The following PARP11 variants were observed in gnomAD, a reference collection of about 807,000 sequenced individuals.
PARP11 encodes protein mono-ADP-ribosyltransferase PARP11.
PARP11 carries 31 observed loss-of-function variants against 42.9 expected under a neutral mutation model. The ratio of observed to expected loss-of-function variants is 0.72; its 90% confidence interval spans 0.54 to 0.98. The LOEUF (loss-of-function observed/expected upper bound fraction) is 0.98, where lower values mean the gene tolerates loss of function less well. Ranked by LOEUF, PARP11 falls within the 50% of genes least tolerant of loss-of-function variation. The pLI is 0.00. For missense variants in PARP11, 365 were observed against 413.1 expected (o/e 0.88, Z 1.01); for synonymous variants, 137 against 127.3 (o/e 1.08, Z -0.51).
chr12:3,872,663 T>C, intron 1 of PARP11: 1 of 985,208 alleles, frequency 1.0e-6, no homozygotes, highest in Non-Finnish European at 1.2e-6. Context: ...ATGGCTCCTC[T>C]TAGGCCCATT....
At chr12:3,827,445 C>T (rs1397979402) in intron 3 of PARP11, among the ~76,000 whole-genome samples, 1 of 152,150 alleles carries the variant, frequency 6.6e-6, no homozygotes, top group East Asian at 1.9e-4. Context: ...AGTTCATCCT[C>T]TACATGAGGT....
intron 1 of PARP11, chr12:3,839,386 C>G: frequency 6.4e-7 from 1 of 1,556,856 alleles, no homozygotes; most frequent in Non-Finnish European, 8.7e-7. Flanking sequence ...GGACGCCTAT[C>G]TGCGGAAACT....
intron 1 of PARP11, among the ~76,000 whole-genome samples, chr12:3,838,994 C>T (rs1463577970): frequency 7.2e-5 from 11 of 152,292 alleles, no homozygotes; most frequent in Admixed American, 2.6e-4. Flanking sequence ...GGCAGCGAGG[C>T]CGTCGGGAAG....
chr12:3,829,896 C>T lies in PARP11; in HGVS notation c.141G>A (p.Met47Ile). 6.2e-7 allele frequency: 1 copy of T among 1,613,932 alleles called. No homozygotes were observed. The highest frequency in any genetic ancestry group is 1.7e-5 in the Admixed American group (1 of 60,012). ...FYLAECGKWH[M>I]FQPDTNSQCS... is the part of the protein sequence containing the mutation. Reference sequence around the variant, plus strand: ...ATTAAAGGAAAGGAGGTACCTGAAACATGTGCCACTTCCCACATTCTGCCA... The same window carrying T: ...ATTAAAGGAAAGGAGGTACCTGAAATATGTGCCACTTCCCACATTCTGCCA... Residue 47 changes from methionine (M) to isoleucine (I), a missense_variant, in exon 2 of 8, where the codon ATG (methionine) becomes ATA (isoleucine). Coordinates refer to ENST00000228820, the MANE Select transcript of PARP11 (RefSeq NM_020367.6).
At chr12:3,858,639 T>C (rs940942516) in intron 1 of PARP11, among the ~76,000 whole-genome samples, 1 of 152,364 alleles carries the variant, frequency 6.6e-6, no homozygotes, top group East Asian at 1.9e-4. Flanking sequence ...CACAGCATCA[T>C]AGGTGGAGAC....
intron 1 of PARP11, among the ~76,000 whole-genome samples, chr12:3,847,502 C>T (rs1002063665): frequency 6.6e-6 from 1 of 152,098 alleles, no homozygotes; most frequent in Admixed American, 6.5e-5. Context: ...CCCAAGGATG[C>T]AAGGATGGTT....
At position 3,837,897 on chromosome 12, in the gene PARP11, T is replaced by C. The variant is rs375822519; in HGVS notation, c.19-7879A>G. On this transcript the variant is annotated intron_variant, in intron 1 of 7. Transcript: ENST00000228820. ...ATGATAATGGGGTCAACGAAGCAAG[T>C]GGACATAATTATAAATATCTATGCA... Among the ~76,000 whole-genome samples, 4 of 151,518 alleles carry C rather than the reference T, an allele frequency of 2.6e-5. 1 individual carries two copies. The highest frequency in any genetic ancestry group is 3.9e-4 in the East Asian group (2 of 5,160).
intron 1 of PARP11, among the ~76,000 whole-genome samples, chr12:3,858,849 G>T (rs1361732555): frequency 6.6e-6 from 1 of 151,810 alleles, no homozygotes. Flanking sequence ...CAGCACCCTG[G>T]GAGGCCCAGG....
chr12:3,828,889 C>A (rs760051771), intron 3 of PARP11, 21 bp downstream of exon 3: 7 of 1,609,514 alleles, frequency 4.3e-6, no homozygotes, highest in Non-Finnish European at 5.1e-6. Context: ...AAACACACAA[C>A]TATTAGGGAA....
In PARP11 at chr12:3,830,157, C is replaced by T. The variant is rs1591770779; in HGVS notation, c.19-139G>A. On this transcript the variant is annotated intron_variant, in intron 1 of 7. Transcript: ENST00000228820. Reference sequence around the variant, plus strand: ...TGACACTTTAAAAACAGCTTTCTATCTTTCATATTGGCTCTGAAGATAAAC... The same window carrying T: ...TGACACTTTAAAAACAGCTTTCTATTTTTCATATTGGCTCTGAAGATAAAC... The T allele has an allele frequency of 1.5e-5, 10 of 668,870 alleles. No homozygotes were observed. In the East Asian group the frequency reaches 2.5e-4, roughly 17 times the overall value. 41.4% of individuals were successfully genotyped at this position (668,870 alleles called of 1,614,324 possible).
chr12:3,812,568 C>CTAT, intron 7 of PARP11, 129 bp from the exon 8 acceptor site: 1 of 665,696 alleles, frequency 1.5e-6, no homozygotes, highest in Non-Finnish European at 2.5e-6. Flanking sequence ...ATTTCCTCAT[C>CTAT]TGCAGATCTT....
intron 1 of PARP11, among the ~76,000 whole-genome samples, chr12:3,850,723 A>G (rs920800793): frequency 1.3e-5 from 2 of 152,208 alleles, no homozygotes; most frequent in African/African-American, 4.8e-5. Context: ...CACTGTGGAT[A>G]ACAGTGATAA....
intron 1 of PARP11, among the ~76,000 whole-genome samples, chr12:3,853,669 C>T (rs1436150149): frequency 6.6e-6 from 1 of 152,148 alleles, no homozygotes; most frequent in Non-Finnish European, 1.5e-5. Context: ...GACTTAGATT[C>T]CCACACAATA....
chr12:3,862,473 T>C (rs1948312291), intron 1 of PARP11, among the ~76,000 whole-genome samples: 1 of 151,872 alleles, frequency 6.6e-6, no homozygotes, highest in Admixed American at 6.6e-5. Context: ...ATATGTATTT[T>C]TTTTTCTATT....
chr12:3,858,787 G>A (rs1030851324), intron 1 of PARP11, among the ~76,000 whole-genome samples: 3 of 152,010 alleles, frequency 2.0e-5, no homozygotes, highest in Non-Finnish European at 4.4e-5. Flanking sequence ...TTACTGTTAA[G>A]AATTTATGTA....
intron 2 of PARP11, among the ~76,000 whole-genome samples, 178 bp from the exon 3 acceptor site, chr12:3,829,208 T>C (rs1014623708): frequency 2.0e-5 from 3 of 152,198 alleles, no homozygotes; most frequent in African/African-American, 7.2e-5. Flanking sequence ...TTGAAAATGG[T>C]TTAAGGATCT....
chr12:3,841,937 C>A, intron 1 of PARP11: 1 of 1,607,692 alleles, frequency 6.2e-7, no homozygotes, highest in South Asian at 1.1e-5. Flanking sequence ...CATGTACATT[C>A]TCTCCCTGAA....
chr12:3,827,647 T>A (rs1388079139), intron 3 of PARP11, among the ~76,000 whole-genome samples: 1 of 152,152 alleles, frequency 6.6e-6, no homozygotes, highest in Non-Finnish European at 1.5e-5. Context: ...ATCTAATGGT[T>A]TTTAACTCTT....
At chr12:3,839,124 C>A (rs1451308140) in intron 1 of PARP11, among the ~76,000 whole-genome samples, 3 of 150,960 alleles carry the variant, frequency 2.0e-5, no homozygotes, top group Non-Finnish European at 4.4e-5. Flanking sequence ...CTCCCCTACG[C>A]GCCCGGAGAG....
Sources: gnomAD v4.1 joint callset for allele counts (sites outside exome capture counted in the v4.1 genomes callset) on GRCh38, gnomAD v4.1.1 for gene constraint, MANE v1.5 for transcripts, NCBI Gene and HGNC (gene_info 2026-07-23, HGNC 2026-07-21) for gene names.